CSNK1G3: variants seen among roughly 807,000 people sequenced by gnomAD.
CSNK1G3 encodes the protein casein kinase I isoform gamma-3.
Under a neutral mutation model 64.3 loss-of-function variants are expected in CSNK1G3, and 23 were observed. The ratio of observed to expected loss-of-function variants is 0.36; its 90% CI spans 0.26 to 0.51. The LOEUF (loss-of-function observed/expected upper bound fraction) is 0.51, where lower values mean the gene tolerates loss of function less well. Among genes scored for constraint, CSNK1G3 ranks in the 20% least tolerant of loss-of-function variants. CSNK1G3 has a pLI of 0.96. For missense variants in CSNK1G3, 357 were observed against 510.5 expected (o/e 0.70, Z 2.90); for synonymous variants, 158 against 162.2 (o/e 0.97, Z 0.20).
chr5:123,555,662 G>A (rs987921633), intron 3 of CSNK1G3, among the ~76,000 whole-genome samples: 1 of 151,946 alleles, frequency 6.6e-6, no homozygotes, highest in Non-Finnish European at 1.5e-5. Flanking sequence ...CTTATATCTT[G>A]TTGTACATGA....
intron 12 of CSNK1G3, 42 bp downstream of exon 13, chr5:123,605,404 T>C (rs772915335): frequency 1.3e-6 from 2 of 1,597,354 alleles, no homozygotes; most frequent in Non-Finnish European, 1.7e-6. Flanking sequence ...CTCCATTGAC[T>C]GTAATTTCAA....
intron 4 of CSNK1G3, among the ~76,000 whole-genome samples, chr5:123,561,759 C>T (rs1246918829): frequency 2.0e-5 from 3 of 152,126 alleles, no homozygotes; most frequent in African/African-American, 7.2e-5. Context: ...TTCTTTTCCC[C>T]TTATTTTCTC....
chr5:123,597,105 CAA>C (rs1211845494), intron 10 of CSNK1G3, among the ~76,000 whole-genome samples: 1 of 151,914 alleles, frequency 6.6e-6, no homozygotes, highest in Non-Finnish European at 1.5e-5. Context: ...GAAAGGGAAA[CAA>C]TATGTTCTAT....
intron 1 of CSNK1G3, among the ~76,000 whole-genome samples, chr5:123,515,065 G>A (rs1776908413): frequency 6.6e-6 from 1 of 152,080 alleles, no homozygotes; most frequent in Non-Finnish European, 1.5e-5. Flanking sequence ...ATATAGTTTC[G>A]TTAAATTTCT....
At chr5:123,548,185 A>G (rs1435497491) in intron 2 of CSNK1G3, among the ~76,000 whole-genome samples, 1 of 152,136 alleles carries the variant, frequency 6.6e-6, no homozygotes, top group Non-Finnish European at 1.5e-5. Flanking sequence ...GGTGCTTGGC[A>G]TGGTGGCTCA....
At chr5:123,529,218 T>C (rs577649542) in intron 1 of CSNK1G3, among the ~76,000 whole-genome samples, 1 of 152,274 alleles carries the variant, frequency 6.6e-6, no homozygotes, top group South Asian at 2.1e-4. Flanking sequence ...TAAGGTGTCT[T>C]GAAAGAGAAA....
rs978263672 is a variant in CSNK1G3, at chr5:123,529,698, C to T, written c.-247-15719C>T. Among the ~76,000 whole-genome samples, 8 of 152,200 alleles carry T rather than the reference C, an allele frequency of 5.3e-5. No homozygotes were observed. In the East Asian group the frequency reaches 5.8e-4, roughly 11 times the overall value. On this transcript the variant is annotated intron_variant, in intron 1 of 12. Transcript: ENST00000345990. ...TTTAGATAGTAAGATGACCTGCTCA[C>T]GGAGGTTGGTATGGTGAATATTTCG... is the stretch of plus-strand genomic sequence containing the variant.
chr5:123,548,804 A>G (rs1783085980), intron 2 of CSNK1G3, among the ~76,000 whole-genome samples: 1 of 152,210 alleles, frequency 6.6e-6, no homozygotes, highest in Non-Finnish European at 1.5e-5. Context: ...AGATGGGTTT[A>G]CATCCTGATA....
At chr5:123,568,397 T>G (rs1033500809) in intron 4 of CSNK1G3, among the ~76,000 whole-genome samples, 2 of 152,182 alleles carry the variant, frequency 1.3e-5, no homozygotes, top group Admixed American at 1.3e-4. Flanking sequence ...TAAAATCCAC[T>G]CTTTGTCTCA....
Position 123,545,800 on chromosome 5 carries a change from G to GA in CSNK1G3, c.145dup (p.Ile49AsnfsTer19). The GA allele has an allele frequency of 6.2e-7, 1 of 1,612,996 alleles. No individual in the cohort carries two copies. ...ATGGTTGGACCTAACTTTAGAGTTG[G>GA]AAAAAAAATTGGATGTGGCAATTTT... On this transcript the variant is annotated frameshift_variant, in exon 2 of 13. Coordinates refer to ENST00000345990, the Ensembl canonical transcript of CSNK1G3. LOFTEE classifies it high-confidence loss of function.
chr5:123,539,089 C>T (rs566426598), intron 1 of CSNK1G3, among the ~76,000 whole-genome samples: 1 of 152,262 alleles, frequency 6.6e-6, no homozygotes, highest in South Asian at 2.1e-4. Flanking sequence ...CAGGCTTTGC[C>T]TTCCAAAGTA....
chr5:123,563,818 A>G (rs566684265), intron 4 of CSNK1G3, among the ~76,000 whole-genome samples: 4 of 152,210 alleles, frequency 2.6e-5, no homozygotes, highest in African/African-American at 9.6e-5. Flanking sequence ...AAAAAGCATG[A>G]AAGTTAAGTG....
At chr5:123,557,687 G>C in intron 4 of CSNK1G3, 123 bp downstream of exon 4, 1 of 619,670 alleles carries the variant, frequency 1.6e-6, no homozygotes, top group Non-Finnish European at 2.7e-6. Context: ...TTTACTATAC[G>C]TTTTCTTACT....
At position 123,514,764 on chromosome 5, in the gene CSNK1G3, A is replaced by T. The variant is rs188141827; in HGVS notation, c.-248+2194A>T. Among the ~76,000 whole-genome samples the T allele has an allele frequency of 3.9e-3, 598 of 152,150 alleles. 4 individuals carry two copies. The highest frequency in any genetic ancestry group is 5.1e-3 in the Non-Finnish European group (344 of 67,970). On this transcript the variant is annotated intron_variant, in intron 1 of 12. Transcript: ENST00000345990. ...TGAAGGGAACAGCCTGAGGAAAGGC[A>T]TGTGATTGTGTTATAGGGCTTGTTG...
At chr5:123,612,250 T>C (rs1459018779) in intron 12 of CSNK1G3, among the ~76,000 whole-genome samples, 1 of 152,184 alleles carries the variant, frequency 6.6e-6, no homozygotes, top group Non-Finnish European at 1.5e-5. Context: ...AAAAATGCAG[T>C]TGTGTAATTT....
At chr5:123,591,140 T>C (rs1274833031) in intron 9 of CSNK1G3, among the ~76,000 whole-genome samples, 179 bp from the exon 10 acceptor site, 1 of 152,108 alleles carries the variant, frequency 6.6e-6, no homozygotes, top group Non-Finnish European at 1.5e-5. Flanking sequence ...AGTAGGTATA[T>C]TCTTTTTGCT....
intron 12 of CSNK1G3, among the ~76,000 whole-genome samples, chr5:123,605,892 A>T (rs114155337): frequency 0.012 from 1,787 of 152,206 alleles, 44 homozygotes; most frequent in African/African-American, 0.04. Context: ...GTTGCTAATA[A>T]TTGCAGATAT....
chr5:123,528,490 C>T (rs1009502310), intron 1 of CSNK1G3, among the ~76,000 whole-genome samples: 5 of 151,928 alleles, frequency 3.3e-5, no homozygotes, highest in African/African-American at 1.2e-4. Context: ...GACTTTTTTT[C>T]CTTGAGGACA....
At chr5:123,519,493 T>C (rs2149946360) in intron 1 of CSNK1G3, among the ~76,000 whole-genome samples, 1 of 152,374 alleles carries the variant, frequency 6.6e-6, no homozygotes, top group South Asian at 2.1e-4. Context: ...TACATTAAAA[T>C]TTTTTCCTAT....
Sources: allele counts gnomAD v4.1 joint callset (sites outside exome capture counted in the v4.1 genomes callset), GRCh38; gene constraint gnomAD v4.1.1; transcripts MANE v1.5; gene names NCBI Gene and HGNC (gene_info 2026-07-23, HGNC 2026-07-21).